The following COL4A5 variants were observed in gnomAD, a reference collection of about 807,000 sequenced individuals.
The protein encoded by COL4A5 is collagen alpha-5(IV) chain.
A neutral mutation model predicts 130.2 loss-of-function variants in COL4A5; 26 were observed. The ratio of observed to expected loss-of-function variants is 0.20; its 90% CI spans 0.15 to 0.28. The LOEUF (loss-of-function observed/expected upper bound fraction) is 0.28, where lower values mean the gene tolerates loss of function less well. Ranked by LOEUF, COL4A5 falls within the 10% of genes least tolerant of loss-of-function variation. COL4A5 has a pLI of 1.00. For missense variants in COL4A5, 1,131 were observed against 1,344.3 expected (o/e 0.84, Z 2.48); for synonymous variants, 496 against 439.6 (o/e 1.13, Z -1.60).
intron 1 of COL4A5, among the ~76,000 whole-genome samples, chrX:108,520,674 G>A (rs950514291): frequency 1.7e-4 from 19 of 111,261 alleles, no homozygotes; most frequent in Non-Finnish European, 1.1e-4. Context: ...GCTTCTTTTG[G>A]TTATTATTTG....
intron 40 of COL4A5, among the ~76,000 whole-genome samples, chrX:108,667,711 A>G (rs2068112936): frequency 9.1e-6 from 1 of 110,266 alleles, no homozygotes; most frequent in African/African-American, 3.3e-5. Context: ...TTTTATGGAG[A>G]CTTTTCTCAA....
chrX:108,581,022 A>G lies in COL4A5; in HGVS notation c.931A>G (p.Ile311Val), dbSNP rs1403247645. The G allele has an allele frequency of 1.7e-5, 20 of 1,207,538 alleles. No homozygotes were observed. Among genetic ancestry groups the G allele is most frequent in the Non-Finnish European group, 2.2e-5 (20 of 891,691 alleles). The change falls in exon 16 of 53, where the codon ATT (isoleucine) becomes GTT (valine). Residue 311 changes from isoleucine (I) to valine (V), a missense_variant. Coordinates refer to ENST00000328300, the MANE Select transcript of COL4A5 (RefSeq NM_033380.3). ...GKDGENGQPG[I>V]PGLPGDPGYP... is the part of the protein sequence containing the mutation. ...AGATGGAGAAAATGGCCAACCAGGA[A>G]TTCCTGTAAGTAGCTAAGGTTCTTT...
chrX:108,666,798 C>G (rs1455522058), intron 39 of COL4A5, among the ~76,000 whole-genome samples: 1 of 111,382 alleles, frequency 9.0e-6, no homozygotes, highest in African/African-American at 3.3e-5. Flanking sequence ...CAAAAAACCC[C>G]ATATCTTTTC....
intron 4 of COL4A5, among the ~76,000 whole-genome samples, chrX:108,565,625 G>A (rs1263044811): frequency 8.9e-6 from 1 of 112,057 alleles, no homozygotes; most frequent in Admixed American, 9.5e-5. Context: ...TACAACCCAA[G>A]CAAGTTCCAC....
intron 49 of COL4A5, chrX:108,689,499 G>C: frequency 1.3e-6 from 1 of 753,315 alleles, no homozygotes; most frequent in Non-Finnish European, 1.6e-6. Context: ...AATCAGATTT[G>C]GAATCTATAA....
intron 37 of COL4A5, among the ~76,000 whole-genome samples, chrX:108,663,967 A>T (rs1235825708): frequency 8.9e-6 from 1 of 111,774 alleles, no homozygotes; most frequent in African/African-American, 3.3e-5. Context: ...CGGGCAGATC[A>T]CGAGGTCAGG....
intron 36 of COL4A5, among the ~76,000 whole-genome samples, chrX:108,647,372 G>T (rs1229874879): frequency 2.7e-5 from 3 of 111,049 alleles, no homozygotes; most frequent in Non-Finnish European, 3.8e-5. Context: ...TCATGATTTG[G>T]CTCTCTGTTT....
At chrX:108,572,184 C>A (rs2066075210) in intron 8 of COL4A5, among the ~76,000 whole-genome samples, 1 of 111,638 alleles carries the variant, frequency 9.0e-6, no homozygotes, top group African/African-American at 3.3e-5. Context: ...TTCTTCTACA[C>A]CTCTGGTTAA....
At chrX:108,531,093 G>A (rs1430846573) in intron 1 of COL4A5, among the ~76,000 whole-genome samples, 1 of 105,256 alleles carries the variant, frequency 9.5e-6, no homozygotes, top group Non-Finnish European at 1.9e-5. Context: ...ATCATTCTCA[G>A]TAAACTATCT....
At chrX:108,574,681 A>G in intron 9 of COL4A5, among the ~76,000 whole-genome samples, 1 of 112,484 alleles carries the variant, frequency 8.9e-6, no homozygotes, top group Admixed American at 9.4e-5. Flanking sequence ...GCTAAGATTC[A>G]TCCATATTAT....
chrX:108,655,238 A>G, intron 36 of COL4A5, 93 bp from the exon 37 acceptor site: 1 of 1,035,336 alleles, frequency 9.7e-7, no homozygotes, highest in Non-Finnish European at 1.3e-6. Context: ...GGAGTGCCTG[A>G]CATATAATAA....
At chrX:108,629,710 A>G (rs1230823476) in intron 36 of COL4A5, among the ~76,000 whole-genome samples, 1 of 111,296 alleles carries the variant, frequency 9.0e-6, no homozygotes, top group Non-Finnish European at 1.9e-5. Flanking sequence ...CATGTGCACA[A>G]CGTGCAGGTT....
At chrX:108,476,523 T>C (rs1761760018) in intron 1 of COL4A5, among the ~76,000 whole-genome samples, 1 of 96,080 alleles carries the variant, frequency 1.0e-5, no homozygotes, top group East Asian at 3.5e-4. Flanking sequence ...ACTGTTCTTT[T>C]TTTTTTTTTT....
At chrX:108,531,525 C>G (rs930536964) in intron 1 of COL4A5, among the ~76,000 whole-genome samples, 2 of 109,363 alleles carry the variant, frequency 1.8e-5, no homozygotes, top group Non-Finnish European at 3.8e-5. Context: ...ATTTAACAAT[C>G]TAGCAATGCA....
At chrX:108,572,580 A>G (rs2066081891) in intron 8 of COL4A5, among the ~76,000 whole-genome samples, 1 of 111,468 alleles carries the variant, frequency 9.0e-6, no homozygotes, top group African/African-American at 3.3e-5. Flanking sequence ...TGCCTGTAAA[A>G]GGCACCTTAA....
intron 1 of COL4A5, among the ~76,000 whole-genome samples, chrX:108,531,670 C>A (rs2065387681): frequency 9.0e-6 from 1 of 110,514 alleles, no homozygotes; most frequent in Non-Finnish European, 1.9e-5. Flanking sequence ...AAAACTGCTT[C>A]TTTGAAAAGA....
At chrX:108,445,498 A>G (rs2064443514) in intron 1 of COL4A5, among the ~76,000 whole-genome samples, 1 of 112,413 alleles carries the variant, frequency 8.9e-6, no homozygotes, top group Admixed American at 9.5e-5. Flanking sequence ...CTAAAACCAA[A>G]TAAAGACAAG....
At chrX:108,587,702 T>G (rs1407193019) in intron 19 of COL4A5, among the ~76,000 whole-genome samples, 1 of 111,770 alleles carries the variant, frequency 8.9e-6, no homozygotes, top group South Asian at 3.7e-4. Flanking sequence ...CCATACTTTT[T>G]TTCATAATGG....
intron 36 of COL4A5, 64 bp from the exon 37 acceptor site, chrX:108,655,267 T>TA (rs1039025091): frequency 4.2e-5 from 48 of 1,145,689 alleles, no homozygotes; most frequent in Admixed American, 1.3e-4. Context: ...TAAATAATGT[T>TA]ATGTTCTTAT....
Sources: allele counts gnomAD v4.1 joint callset (sites outside exome capture counted in the v4.1 genomes callset), GRCh38; gene constraint gnomAD v4.1.1; transcripts MANE v1.5; gene names NCBI Gene and HGNC (gene_info 2026-07-23, HGNC 2026-07-21).